DENND1A: variants seen among roughly 807,000 people sequenced by gnomAD.
The protein encoded by DENND1A is DENN domain containing 1A.
Under a neutral mutation model 113.7 loss-of-function variants are expected in DENND1A, and 51 were observed. The observed-to-expected ratio is 0.45, with a 90% CI of 0.36 to 0.57. The LOEUF (loss-of-function observed/expected upper bound fraction) is 0.57. Among genes scored for constraint, DENND1A ranks in the 20% least tolerant of loss-of-function variants. The probability of loss-of-function intolerance (pLI) is 0.00; values close to 1 mark genes in which losing one functional copy is unlikely to be tolerated. For missense variants in DENND1A, 1,258 were observed against 1,395.9 expected (o/e 0.90, Z 1.57); for synonymous variants, 565 against 570.8 (o/e 0.99, Z 0.14).
chr9:123,384,285 C>T (rs991745613), intron 22 of DENND1A, among the ~76,000 whole-genome samples: 5 of 152,264 alleles, frequency 3.3e-5, no homozygotes, highest in African/African-American at 1.2e-4. Flanking sequence ...AGTCATGCTC[C>T]TCTTGCTCCC....
intron 1 of DENND1A, among the ~76,000 whole-genome samples, chr9:123,927,470 GA>G (rs1230056229): frequency 3.3e-5 from 5 of 151,964 alleles, no homozygotes; most frequent in East Asian, 1.9e-4. Flanking sequence ...TGAAAAAAAA[GA>G]AAAAAACCTA....
At chr9:123,666,161 C>T (rs1281228427) in intron 8 of DENND1A, among the ~76,000 whole-genome samples, 1 of 152,158 alleles carries the variant, frequency 6.6e-6, no homozygotes, top group Admixed American at 6.5e-5. Flanking sequence ...TTCAAAACCA[C>T]TGAGCTGTAC....
chr9:123,492,496 G>T (rs2051461256), intron 13 of DENND1A, among the ~76,000 whole-genome samples: 1 of 152,212 alleles, frequency 6.6e-6, no homozygotes, highest in Non-Finnish European at 1.5e-5. Context: ...GGAATTGAAA[G>T]TGGAGATCAT....
intron 11 of DENND1A, among the ~76,000 whole-genome samples, chr9:123,586,557 G>A (rs577454580): frequency 1.3e-4 from 20 of 152,278 alleles, no homozygotes; most frequent in African/African-American, 2.6e-4. Flanking sequence ...GAGCTGGGAC[G>A]GCACAGTTTC....
chr9:123,894,155 T>C (rs1343504554), intron 1 of DENND1A, among the ~76,000 whole-genome samples: 3 of 152,224 alleles, frequency 2.0e-5, no homozygotes, highest in African/African-American at 7.2e-5. Context: ...ACCTGGTTTT[T>C]AAACAAGCGC....
intron 5 of DENND1A, among the ~76,000 whole-genome samples, chr9:123,757,208 T>C (rs1342595323): frequency 6.6e-6 from 1 of 152,182 alleles, no homozygotes; most frequent in Non-Finnish European, 1.5e-5. Flanking sequence ...CGATTCTTAA[T>C]TTTTTCAAAC....
intron 2 of DENND1A, among the ~76,000 whole-genome samples, chr9:123,831,815 C>T (rs755896435): frequency 7.9e-5 from 12 of 151,962 alleles, no homozygotes; most frequent in Admixed American, 2.6e-4. Flanking sequence ...AAACCCTGTC[C>T]GTACTAAAAG....
chr9:123,591,720 C>G (rs1293450376), intron 11 of DENND1A, among the ~76,000 whole-genome samples: 1 of 152,226 alleles, frequency 6.6e-6, no homozygotes, highest in Non-Finnish European at 1.5e-5. Flanking sequence ...GTGGCTAGAT[C>G]CACTCTACTG....
chr9:123,871,067 GACA>G (rs1234833582), intron 2 of DENND1A, among the ~76,000 whole-genome samples: 1 of 152,228 alleles, frequency 6.6e-6, no homozygotes, highest in African/African-American at 2.4e-5. Flanking sequence ...CTTCTCAGGA[GACA>G]ACAAGTTGTT....
intron 12 of DENND1A, among the ~76,000 whole-genome samples, chr9:123,566,913 C>CCACACACACACACACACACA (rs59984497): frequency 1.1e-3 from 166 of 147,432 alleles, no homozygotes; most frequent in East Asian, 3.0e-3. Flanking sequence ...CTTTAACACA[C>CCACACACACACACACACACA]CACACACACA....
At chr9:123,525,125 G>A (rs61655407) in intron 13 of DENND1A, among the ~76,000 whole-genome samples, 15,889 of 152,232 alleles carry the variant, frequency 0.1, 1,175 homozygotes, top group African/African-American at 0.2. Flanking sequence ...GAGGAGACGT[G>A]TTCGAGGTCA....
At chr9:123,616,545 A>G (rs1386216042) in intron 10 of DENND1A, among the ~76,000 whole-genome samples, 1 of 152,236 alleles carries the variant, frequency 6.6e-6, no homozygotes, top group Non-Finnish European at 1.5e-5. Context: ...TAGCAACAAA[A>G]GTATGAAAAG....
At chr9:123,784,425 G>T (rs565726213) in intron 3 of DENND1A, among the ~76,000 whole-genome samples, 1 of 152,310 alleles carries the variant, frequency 6.6e-6, no homozygotes, top group Non-Finnish European at 1.5e-5. Context: ...GGAAACAGAA[G>T]AATAGGACAG....
rs1355024040 is a variant in DENND1A, at chr9:123,614,885, T to G, written c.720-5404A>C. On this transcript the variant is annotated intron_variant, in intron 10 of 23. Transcript: ENST00000394215. ...GAAAAACTCTGAAGGAGGTCTTATG[T>G]GAGCTTTTCTTTCTTTTTTTGTAAA... Among the ~76,000 whole-genome samples the G allele has an allele frequency of 4.6e-5, 7 of 152,252 alleles. No homozygotes were observed. The South Asian group carries it at 1.4e-3, about 31-fold the overall frequency.
chr9:123,406,170 T>C (rs369758128), intron 20 of DENND1A, among the ~76,000 whole-genome samples: 9 of 152,372 alleles, frequency 5.9e-5, no homozygotes, highest in African/African-American at 2.2e-4. Flanking sequence ...TACAGAGTCT[T>C]GTCAAGCCCT....
At chr9:123,819,319 C>G (rs1054172896) in intron 2 of DENND1A, among the ~76,000 whole-genome samples, 1 of 152,130 alleles carries the variant, frequency 6.6e-6, no homozygotes, top group African/African-American at 2.4e-5. Context: ...TTGGCTGAAT[C>G]CCTCACAAAT....
intron 11 of DENND1A, among the ~76,000 whole-genome samples, chr9:123,598,362 T>C (rs1013948983): frequency 1.3e-5 from 2 of 150,966 alleles, no homozygotes; most frequent in Non-Finnish European, 2.9e-5. Context: ...TACCCAAAAG[T>C]GTCCTTAGAA....
At chr9:123,755,729 C>T (rs1451743366) in intron 5 of DENND1A, among the ~76,000 whole-genome samples, 2 of 152,150 alleles carry the variant, frequency 1.3e-5, no homozygotes, top group Admixed American at 6.5e-5. Flanking sequence ...ACTTAATGAA[C>T]AGTACATATA....
chr9:123,617,112 G>C (rs533062793), intron 10 of DENND1A, among the ~76,000 whole-genome samples: 2 of 152,332 alleles, frequency 1.3e-5, no homozygotes, highest in East Asian at 1.9e-4. Flanking sequence ...TAGAAAGTAT[G>C]GGGTAACTGC....
Sources: gnomAD v4.1 joint callset for allele counts (sites outside exome capture counted in the v4.1 genomes callset) on GRCh38, gnomAD v4.1.1 for gene constraint, MANE v1.5 for transcripts, NCBI Gene and HGNC (gene_info 2026-07-23, HGNC 2026-07-21) for gene names.